KIF26B: variants seen among roughly 807,000 people sequenced by gnomAD.
KIF26B encodes kinesin family member 26B.
A neutral mutation model predicts 151.2 loss-of-function variants in KIF26B; 63 were observed. The ratio of observed to expected loss-of-function variants is 0.42; its 90% CI spans 0.34 to 0.51. The LOEUF (loss-of-function observed/expected upper bound fraction) is 0.51, where lower values mean the gene tolerates loss of function less well. Among genes scored for constraint, KIF26B ranks in the 20% least tolerant of loss-of-function variants. KIF26B has a pLI of 0.07. For missense variants in KIF26B, 2,813 were observed against 2,913.6 expected, an observed-to-expected ratio of 0.97 and a Z score of 0.79; for synonymous variants, 1,357 against 1,262.1, an observed-to-expected ratio of 1.08 and a Z score of -1.59.
chr1:245,646,304 A>C (rs912741337), intron 10 of KIF26B, 24 bp downstream of exon 10: 19 of 1,611,398 alleles, frequency 1.2e-5, no homozygotes, highest in Non-Finnish European at 1.6e-5. Flanking sequence ...CTACTCAAAG[A>C]ATGTGGTGGG....
chr1:245,432,436 A>C (rs1195753177), intron 4 of KIF26B, among the ~76,000 whole-genome samples: 3 of 152,196 alleles, frequency 2.0e-5, no homozygotes, highest in African/African-American at 7.2e-5. Context: ...GGGACAAGGG[A>C]TGCTGCCTGG....
intron 2 of KIF26B, among the ~76,000 whole-genome samples, chr1:245,185,787 G>C (rs954439677): frequency 9.2e-5 from 14 of 152,138 alleles, no homozygotes; most frequent in Non-Finnish European, 1.9e-4. Context: ...CCTTTGATGA[G>C]TCATGGGCTG....
chr1:245,554,890 C>T (rs1459955853), intron 5 of KIF26B, among the ~76,000 whole-genome samples: 1 of 152,174 alleles, frequency 6.6e-6, no homozygotes, highest in African/African-American at 2.4e-5. Context: ...CCAAAGACCT[C>T]ACGCATCCTT....
chr1:245,410,593 G>A (rs1326942925), intron 3 of KIF26B, among the ~76,000 whole-genome samples: 12 of 152,092 alleles, frequency 7.9e-5, no homozygotes, highest in Middle Eastern at 3.2e-3. Flanking sequence ...GGAATTACAG[G>A]CGCGTGCCAC....
rs779310831 is a variant in KIF26B, at chr1:245,597,269, A to C, written c.1351-5308A>C. On this transcript the variant is annotated intron_variant, in intron 5 of 14. Transcript: ENST00000407071. The surrounding 1 kb of genome is among the most constrained non-coding windows in gnomAD (Gnocchi z 4.6). ...TATCTTTGTGCAGTGGGCTGGTACC[A>C]GTTGATCCTTTCCATGTTTAGTGCT... 6.6e-6 allele frequency among the ~76,000 whole-genome samples: 1 copy of C among 152,196 alleles called. No homozygotes were observed. Among genetic ancestry groups the C allele is most frequent in the Non-Finnish European group, 1.5e-5 (1 of 68,034 alleles).
At chr1:245,521,472 T>G (rs1192053547) in intron 4 of KIF26B, among the ~76,000 whole-genome samples, 1 of 152,204 alleles carries the variant, frequency 6.6e-6, no homozygotes, top group Non-Finnish European at 1.5e-5. Context: ...TAGATACTTA[T>G]ACATCCAGAT....
At chr1:245,200,792 G>C (rs1669284984) in intron 2 of KIF26B, among the ~76,000 whole-genome samples, 1 of 152,138 alleles carries the variant, frequency 6.6e-6, no homozygotes, top group Admixed American at 6.5e-5. Context: ...TTCAAATATA[G>C]GCAGGGCTGA....
intron 10 of KIF26B, among the ~76,000 whole-genome samples, chr1:245,671,574 C>T (rs1047121039): frequency 6.6e-5 from 10 of 152,104 alleles, no homozygotes; most frequent in South Asian, 2.1e-4. Context: ...ACAATGTGAA[C>T]GGGCGCAATG....
chr1:245,441,606 C>T (rs937533493), intron 4 of KIF26B, among the ~76,000 whole-genome samples: 4 of 152,060 alleles, frequency 2.6e-5, no homozygotes, highest in Non-Finnish European at 5.9e-5. Flanking sequence ...ACGAGCAACG[C>T]AGACCCCGGG....
chr1:245,387,161 G>GTTTTTTTTTTTTTTTTTTTTT (rs1306200194), intron 3 of KIF26B, among the ~76,000 whole-genome samples: 1 of 92,624 alleles, frequency 1.1e-5, no homozygotes. Context: ...TTTGTTTTTT[G>GTTTTTTTTTTTTTTTTTTTTT]TTTTTTGTTT....
chr1:245,531,379 G>C (rs1223036296), intron 4 of KIF26B, among the ~76,000 whole-genome samples: 6 of 152,212 alleles, frequency 3.9e-5, no homozygotes, highest in Non-Finnish European at 5.9e-5. Context: ...CAGCAGCCCT[G>C]TGGCCATGGC....
intron 2 of KIF26B, among the ~76,000 whole-genome samples, chr1:245,267,651 C>G (rs1670771888): frequency 1.8e-5 from 2 of 108,160 alleles, no homozygotes; most frequent in African/African-American, 6.9e-5. Flanking sequence ...CACACACACA[C>G]ACACACACAC....
chr1:245,212,400 A>G (rs1207590306), intron 2 of KIF26B, among the ~76,000 whole-genome samples: 2 of 152,026 alleles, frequency 1.3e-5, no homozygotes, highest in Non-Finnish European at 2.9e-5. Flanking sequence ...ATGGGCGCAA[A>G]CCCCTGAGAG....
At chr1:245,199,025 G>A (rs1227441568) in intron 2 of KIF26B, among the ~76,000 whole-genome samples, 1 of 151,798 alleles carries the variant, frequency 6.6e-6, no homozygotes, top group East Asian at 1.9e-4. Context: ...ACTAGGTGGG[G>A]CCTCAGGGCA....
At chr1:245,313,940 G>A (rs1411650633) in intron 2 of KIF26B, among the ~76,000 whole-genome samples, 1 of 152,146 alleles carries the variant, frequency 6.6e-6, no homozygotes, top group South Asian at 2.1e-4. Context: ...ATCTGGGTTT[G>A]TGAAGCTCCT....
At chr1:245,203,731 T>C (rs1363174333) in intron 2 of KIF26B, among the ~76,000 whole-genome samples, 1 of 151,148 alleles carries the variant, frequency 6.6e-6, no homozygotes, top group Non-Finnish European at 1.5e-5. Context: ...ATGAAAGCGC[T>C]TTTCCCTGGA....
intron 2 of KIF26B, among the ~76,000 whole-genome samples, chr1:245,231,229 T>G (rs73127169): frequency 0.012 from 1,777 of 152,108 alleles, 30 homozygotes; most frequent in African/African-American, 0.039. Context: ...AAAACTACAA[T>G]CTAGGCTGGG....
chr1:245,323,907 A>G (rs879491274), intron 2 of KIF26B, among the ~76,000 whole-genome samples: 73 of 132,064 alleles, frequency 5.5e-4, no homozygotes, highest in Non-Finnish European at 9.8e-4. Flanking sequence ...TGGTCCTGCC[A>G]TGGGTGGATG....
In KIF26B at chr1:245,239,565, G is replaced by A. The variant is rs879929870; in HGVS notation, c.465+82882G>A. ...GTCGCCCAGGCTGGAGTGCAGTGGCGTGATCTCAGCTCACTGCAACCTCTG... is the reference window on the plus strand; with the variant it reads ...GTCGCCCAGGCTGGAGTGCAGTGGCATGATCTCAGCTCACTGCAACCTCTG... On this transcript the variant is annotated intron_variant, in intron 2 of 14. Transcript: ENST00000407071. This position sits in a 1 kb window ranked among gnomAD's most constrained non-coding sequence, Gnocchi z 4.3. 3.3e-5 allele frequency among the ~76,000 whole-genome samples: 5 copies of A among 152,066 alleles called. No individual in the cohort carries two copies. Among genetic ancestry groups the A allele is most frequent in the Non-Finnish European group, 7.4e-5 (5 of 68,020 alleles).
Sources: gnomAD v4.1 joint callset for allele counts (sites outside exome capture counted in the v4.1 genomes callset) on GRCh38, gnomAD v4.1.1 for gene constraint, Gnocchi (gnomAD v3.1) non-coding constraint, MANE v1.5 for transcripts, NCBI Gene and HGNC (gene_info 2026-07-23, HGNC 2026-07-21) for gene names.